The following DOCK2 variants were observed in gnomAD, a reference collection of about 807,000 sequenced individuals.
DOCK2 encodes the protein dedicator of cytokinesis protein 2.
In DOCK2, 87 loss-of-function variants were observed where a neutral mutation model predicts 248.9. The ratio of observed to expected loss-of-function variants is 0.35; its 90% CI spans 0.29 to 0.42. The LOEUF (loss-of-function observed/expected upper bound fraction) is 0.42, where lower values mean the gene tolerates loss of function less well. Ranked by LOEUF, DOCK2 falls within the 10% of genes least tolerant of loss-of-function variation. DOCK2 has a pLI of 1.00. For synonymous variants in DOCK2, 805 were observed against 821.6 expected (o/e 0.98, Z 0.35); for missense variants, 1,747 against 2,300.2 (o/e 0.76, Z 4.92).
chr5:169,707,190 T>C (rs1761319832), intron 14 of DOCK2, among the ~76,000 whole-genome samples: 1 of 152,224 alleles, frequency 6.6e-6, no homozygotes, highest in Non-Finnish European at 1.5e-5. Flanking sequence ...GGAATGACCA[T>C]AGAAGTAGGC....
chr5:169,811,128 A>G (rs996583128), intron 26 of DOCK2, among the ~76,000 whole-genome samples: 6 of 152,098 alleles, frequency 3.9e-5, no homozygotes, highest in African/African-American at 1.4e-4. Context: ...CGGCATGAGC[A>G]TGAATCCTCC....
At chr5:169,958,660 G>C (rs1380734718) in intron 27 of DOCK2, among the ~76,000 whole-genome samples, 2 of 151,898 alleles carry the variant, frequency 1.3e-5, no homozygotes, top group African/African-American at 4.8e-5. Context: ...TTTTAAGATT[G>C]AGTGTTAGGC....
At position 169,669,330 on chromosome 5, in the gene DOCK2, TA is replaced by T. The variant is rs1261704400; in HGVS notation, c.168+4del. The T allele has an allele frequency of 6.2e-7, 1 of 1,614,114 alleles. No homozygotes were observed. Among genetic ancestry groups the T allele is most frequent in the South Asian group, 1.1e-5 (1 of 91,074 alleles). On this transcript the variant is annotated splice_donor_region_variant and intron_variant, in intron 3 of 51. Transcript: ENST00000520908. ...CTCATAAAGCACAAAATGTTACAGG[TA>T]AGGTCACCTGGTTTTTATTTGTGTC...
At chr5:169,663,780 A>G (rs550045280) in intron 2 of DOCK2, among the ~76,000 whole-genome samples, 6 of 152,262 alleles carry the variant, frequency 3.9e-5, no homozygotes, top group Non-Finnish European at 4.4e-5. Flanking sequence ...CCACAAAACC[A>G]TATTTCCTTC....
chr5:170,068,090 A>C (rs1382322307), intron 45 of DOCK2, among the ~76,000 whole-genome samples: 2 of 152,218 alleles, frequency 1.3e-5, no homozygotes, highest in South Asian at 2.1e-4. Flanking sequence ...GAAAGAAATG[A>C]AACTCAGAAT....
At chr5:169,930,276 C>CTGTAATT (rs1248744664) in intron 27 of DOCK2, among the ~76,000 whole-genome samples, 1 of 152,188 alleles carries the variant, frequency 6.6e-6, no homozygotes, top group African/African-American at 2.4e-5. Flanking sequence ...AGGCTTGAGC[C>CTGTAATT]ACCGCACCTG....
At chr5:169,658,261 A>T (rs1393246632) in intron 2 of DOCK2, among the ~76,000 whole-genome samples, 1 of 151,972 alleles carries the variant, frequency 6.6e-6, no homozygotes, top group Non-Finnish European at 1.5e-5. Flanking sequence ...CGGGTGGATC[A>T]TGAGGTCAGG....
At chr5:169,810,798 A>G (rs975810499) in intron 26 of DOCK2, among the ~76,000 whole-genome samples, 1 of 152,118 alleles carries the variant, frequency 6.6e-6, no homozygotes, top group Non-Finnish European at 1.5e-5. Flanking sequence ...CTAGTGCAGG[A>G]GCTCAGTCCA....
chr5:169,781,761 C>G (rs1176548798), intron 25 of DOCK2, among the ~76,000 whole-genome samples: 4 of 152,198 alleles, frequency 2.6e-5, no homozygotes, highest in Non-Finnish European at 5.9e-5. Context: ...CTACCACTTT[C>G]TGCCCTTCTC....
rs1480696718 is a variant in DOCK2, at chr5:169,681,826, C to T, written c.553C>T (p.His185Tyr). 6.2e-7 allele frequency: 1 copy of T among 1,613,868 alleles called. No homozygotes were observed. Among genetic ancestry groups the T allele is most frequent in the African/African-American group, 1.3e-5 (1 of 74,934 alleles). The change falls in exon 7 of 52, where the codon CAT becomes TAT. Residue 185 changes from histidine (H) to tyrosine (Y), a missense_variant. His to Tyr is a moderately conservative substitution (Grantham distance 83, BLOSUM62 2). Transcript: ENST00000520908. The part of the protein sequence containing the change: ...PDNTSVISLF[H>Y]AHEEATDKIT... ...TAATACCAGTGTCATCAGCTTGTTC[C>T]ATGCACATGAGGAAGCAACTGATAA...
At chr5:169,817,014 C>G (rs1213451313) in intron 26 of DOCK2, among the ~76,000 whole-genome samples, 2 of 152,222 alleles carry the variant, frequency 1.3e-5, no homozygotes, top group African/African-American at 2.4e-5. Flanking sequence ...CACAGTCCCA[C>G]TCGTTCCTAT....
intron 50 of DOCK2, 191 bp downstream of exon 50, chr5:170,080,474 T>G (rs1174393979): frequency 3.6e-6 from 3 of 825,382 alleles, no homozygotes; most frequent in Non-Finnish European, 5.4e-6. Context: ...GGTGACACCA[T>G]CCCAGCAAGC....
intron 33 of DOCK2, among the ~76,000 whole-genome samples, chr5:170,021,326 C>G (rs575638963): frequency 3.3e-5 from 5 of 152,338 alleles, no homozygotes; most frequent in African/African-American, 1.2e-4. Flanking sequence ...CGCCATGAGA[C>G]GAAGGGCAGT....
At chr5:169,640,663 G>T (rs1382978075) in intron 1 of DOCK2, among the ~76,000 whole-genome samples, 1 of 152,168 alleles carries the variant, frequency 6.6e-6, no homozygotes, top group Non-Finnish European at 1.5e-5. Context: ...GGAATCTAAT[G>T]GAAGATAAAG....
intron 27 of DOCK2, among the ~76,000 whole-genome samples, chr5:169,935,408 C>G (rs1410542727): frequency 1.3e-5 from 2 of 152,170 alleles, no homozygotes; most frequent in Non-Finnish European, 2.9e-5. Context: ...CTTTCTTTCT[C>G]TTCTTGTGTG....
At chr5:169,727,592 C>A (rs1056978303) in intron 22 of DOCK2, among the ~76,000 whole-genome samples, 2 of 152,124 alleles carry the variant, frequency 1.3e-5, no homozygotes, top group Admixed American at 6.5e-5. Flanking sequence ...TAGATCCTAC[C>A]TTTTACTCTT....
rs186739312 is a variant in DOCK2, at chr5:170,054,781, G to A, written c.4214-524G>A. ...TGCTGACACTACTGGTCAAAGGGCC[G>A]CCTTTGAGTAGTGAGTCCAGAGTGA... On this transcript the variant is annotated intron_variant, in intron 41 of 51. Transcript: ENST00000520908. Among the ~76,000 whole-genome samples the A allele has an allele frequency of 2.2e-4, 34 of 152,306 alleles. 1 individual carries two copies. Among genetic ancestry groups the A allele is most frequent in the Admixed American group, 5.9e-4 (9 of 15,306 alleles).
intron 2 of DOCK2, among the ~76,000 whole-genome samples, chr5:169,657,110 C>T (rs1758165379): frequency 1.3e-5 from 2 of 152,102 alleles, no homozygotes; most frequent in Admixed American, 1.3e-4. Flanking sequence ...ATCATATCTC[C>T]TGGTACGCAA....
At chr5:170,062,128 T>TGTGTGTGA (rs778077276) in intron 44 of DOCK2, among the ~76,000 whole-genome samples, 46 of 137,832 alleles carry the variant, frequency 3.3e-4, no homozygotes, top group African/African-American at 1.3e-3. Context: ...TGTGTGTGTG[T>TGTGTGTGA]GAGAGAGAGA....
Sources: gnomAD v4.1 joint callset for allele counts (sites outside exome capture counted in the v4.1 genomes callset) on GRCh38, gnomAD v4.1.1 for gene constraint, MANE v1.5 for transcripts, NCBI Gene and HGNC (gene_info 2026-07-23, HGNC 2026-07-21) for gene names.